The following MDGA2 variants were observed in gnomAD, a reference collection of about 807,000 sequenced individuals.
The protein encoded by MDGA2 is MAM domain containing glycosylphosphatidylinositol anchor 2.
A neutral mutation model predicts 117.8 loss-of-function variants in MDGA2; 40 were observed. The observed-to-expected ratio is 0.34, with a 90% CI of 0.26 to 0.44. The LOEUF is 0.44. MDGA2 is among the 20% of genes least tolerant of loss of function. The probability of loss-of-function intolerance (pLI) is 1.00; values close to 1 mark genes in which losing one functional copy is unlikely to be tolerated. For missense variants in MDGA2, 1,123 were observed against 1,250.6 expected, an observed-to-expected ratio of 0.90 and a Z score of 1.54; for synonymous variants, 452 against 439.0, an observed-to-expected ratio of 1.03 and a Z score of -0.37.
intron 1 of MDGA2, among the ~76,000 whole-genome samples, chr14:47,457,901 T>C (rs911740539): frequency 6.6e-6 from 1 of 151,930 alleles, no homozygotes; most frequent in Non-Finnish European, 1.5e-5. Flanking sequence ...CATTTACTGT[T>C]ATTATTTTCA....
At chr14:47,192,893 C>G (rs1308144530) in intron 3 of MDGA2, among the ~76,000 whole-genome samples, 1 of 152,182 alleles carries the variant, frequency 6.6e-6, no homozygotes, top group African/African-American at 2.4e-5. Context: ...ATATTCACTG[C>G]TATAAAACTC....
chr14:47,217,827 T>C (rs1466366423), intron 3 of MDGA2, among the ~76,000 whole-genome samples, 194 bp downstream of exon 3: 1 of 152,122 alleles, frequency 6.6e-6, no homozygotes, highest in Non-Finnish European at 1.5e-5. Context: ...GAATATGTAT[T>C]ATATCATAGA....
At chr14:46,869,263 T>C (rs1246613360) in intron 14 of MDGA2, among the ~76,000 whole-genome samples, 1 of 151,976 alleles carries the variant, frequency 6.6e-6, no homozygotes, top group African/African-American at 2.4e-5. Flanking sequence ...GACCTTTACA[T>C]TGCACATTCT....
chr14:47,576,223 T>G (rs893225966), intron 1 of MDGA2, among the ~76,000 whole-genome samples: 3 of 152,208 alleles, frequency 2.0e-5, no homozygotes, highest in African/African-American at 2.4e-5. Flanking sequence ...TTATGAAATA[T>G]TTAAGCTGTA....
At chr14:47,158,366 GT>G (rs770292561) in intron 3 of MDGA2, among the ~76,000 whole-genome samples, 2,655 of 50,210 alleles carry the variant, frequency 0.053, 35 homozygotes, top group Non-Finnish European at 0.079. Context: ...TGGGGTGGGT[GT>G]GTGTGTGTGT....
chr14:47,114,830 C>G (rs1289494863), intron 5 of MDGA2, among the ~76,000 whole-genome samples: 1 of 151,862 alleles, frequency 6.6e-6, no homozygotes, highest in Non-Finnish European at 1.5e-5. Context: ...AGAAGAAAAT[C>G]TAGGCAATAC....
At position 47,200,506 on chromosome 14, in the gene MDGA2, T is replaced by C. The variant is rs182258419; in HGVS notation, c.595+17515A>G. On this transcript the variant is annotated intron_variant, in intron 3 of 16. Transcript: ENST00000399232. ...ATATGCAACCACTTCCCTTTTTCTATTTTTCTTTTCTTTTTTCTTTTTCTT... is the reference window on the plus strand; with the variant it reads ...ATATGCAACCACTTCCCTTTTTCTACTTTTCTTTTCTTTTTTCTTTTTCTT... 431 of 592,520 alleles carry C rather than the reference T, an allele frequency of 7.3e-4. 4 individuals are homozygous for C. The African/African-American group carries it at 7.4e-3, about 10-fold the overall frequency. The allele number at this position is 592,520 out of a possible 1,614,324, so 36.7% of individuals were successfully genotyped here.
intron 1 of MDGA2, among the ~76,000 whole-genome samples, chr14:47,646,837 A>G (rs1008916033): frequency 2.0e-5 from 3 of 152,186 alleles, no homozygotes; most frequent in East Asian, 1.9e-4. Flanking sequence ...CTGTAATTTG[A>G]AAGTGAGATT....
At chr14:47,306,642 C>A (rs1230415511) in intron 1 of MDGA2, among the ~76,000 whole-genome samples, 18 of 152,124 alleles carry the variant, frequency 1.2e-4, no homozygotes, top group Admixed American at 1.3e-4. Flanking sequence ...CTCTTCCACA[C>A]TAGGTCAATG....
At chr14:47,039,600 T>C (rs1888988076) in intron 7 of MDGA2, among the ~76,000 whole-genome samples, 1 of 152,116 alleles carries the variant, frequency 6.6e-6, no homozygotes, top group African/African-American at 2.4e-5. Flanking sequence ...ACTACAAACC[T>C]CAATGAGAGT....
At chr14:46,963,677 G>A (rs1885900458) in intron 8 of MDGA2, among the ~76,000 whole-genome samples, 1 of 152,142 alleles carries the variant, frequency 6.6e-6, no homozygotes, top group South Asian at 2.1e-4. Flanking sequence ...TTGATGACAA[G>A]TTAGTAAAGT....
Position 47,097,076 on chromosome 14 carries a change from G to T in MDGA2, c.973C>A (p.Pro325Thr). Residue 325 changes from proline (P) to threonine (T), a missense_variant, in exon 6 of 17, where the codon CCT (proline) becomes ACT (threonine). By Grantham distance (38) the Pro-to-Thr change is conservative (BLOSUM62 -1). Transcript: ENST00000399232. ...LLVDDPIVVN[P>T]GEAITLVCVT... ...CATACTAATGTTATGGCCTCTCCAGGATTTACAACTATAGGATCATCCACC... is the reference window on the plus strand; with the variant it reads ...CATACTAATGTTATGGCCTCTCCAGTATTTACAACTATAGGATCATCCACC... 1 of 1,613,190 alleles carries T rather than the reference G, an allele frequency of 6.2e-7. No homozygotes were observed. Among genetic ancestry groups the T allele is most frequent in the Non-Finnish European group, 8.5e-7 (1 of 1,179,386 alleles).
intron 1 of MDGA2, among the ~76,000 whole-genome samples, chr14:47,425,644 C>T (rs771964312): frequency 2.0e-5 from 3 of 152,084 alleles, no homozygotes; most frequent in Non-Finnish European, 2.9e-5. Flanking sequence ...TTAAAGGCTA[C>T]TTTCTCCAGA....
intron 2 of MDGA2, among the ~76,000 whole-genome samples, chr14:47,261,534 A>G (rs983107303): frequency 1.3e-5 from 2 of 152,190 alleles, no homozygotes; most frequent in Admixed American, 1.3e-4. Flanking sequence ...CCTAAGTCAC[A>G]GTGCTACATT....
At chr14:47,394,194 G>C (rs184036709) in intron 1 of MDGA2, among the ~76,000 whole-genome samples, 1 of 151,882 alleles carries the variant, frequency 6.6e-6, no homozygotes, top group Non-Finnish European at 1.5e-5. Flanking sequence ...TTTTTTATCT[G>C]TTCATTCATT....
At chr14:47,363,728 G>A (rs1055114967) in intron 1 of MDGA2, among the ~76,000 whole-genome samples, 9 of 151,876 alleles carry the variant, frequency 5.9e-5, no homozygotes, top group Non-Finnish European at 1.2e-4. Flanking sequence ...GGAAGGAACC[G>A]GAGGAAGAGA....
chr14:46,844,581 C>G (rs1566487601), intron 16 of MDGA2, among the ~76,000 whole-genome samples: 1 of 144,950 alleles, frequency 6.9e-6, no homozygotes, highest in African/African-American at 2.5e-5. Context: ...AACTCCGTCT[C>G]AAAAAAAAAA....
At chr14:47,181,959 CTT>C (rs2139373148) in intron 3 of MDGA2, among the ~76,000 whole-genome samples, 1 of 152,154 alleles carries the variant, frequency 6.6e-6, no homozygotes, top group South Asian at 2.1e-4. Flanking sequence ...TGAATTATTT[CTT>C]TGTTCCTATA....
intron 14 of MDGA2, among the ~76,000 whole-genome samples, chr14:46,858,302 C>G (rs1881355516): frequency 6.6e-6 from 1 of 151,374 alleles, no homozygotes; most frequent in South Asian, 2.1e-4. Flanking sequence ...TATAGTTTCT[C>G]TTTCTCTGCT....
Sources: gnomAD v4.1 joint callset for allele counts (sites outside exome capture counted in the v4.1 genomes callset) on GRCh38, gnomAD v4.1.1 for gene constraint, MANE v1.5 for transcripts, NCBI Gene and HGNC (gene_info 2026-07-23, HGNC 2026-07-21) for gene names.